GPD2: variants seen among roughly 807,000 people sequenced by gnomAD.
GPD2 encodes glycerol-3-phosphate dehydrogenase, mitochondrial.
GPD2 carries 54 observed loss-of-function variants against 82.4 expected under a neutral mutation model. The ratio of observed to expected loss-of-function variants is 0.66; its 90% confidence interval spans 0.53 to 0.82. GPD2 has a LOEUF of 0.82. GPD2 is among the 40% of genes least tolerant of loss of function. The probability of loss-of-function intolerance (pLI) is 0.00; values close to 1 mark genes in which losing one functional copy is unlikely to be tolerated. For synonymous variants in GPD2, 288 were observed against 306.1 expected (o/e 0.94, Z 0.62); for missense variants, 748 against 896.2 (o/e 0.83, Z 2.11).
chr2:156,474,328 T>C (rs1683431226), intron 1 of GPD2, among the ~76,000 whole-genome samples: 1 of 152,244 alleles, frequency 6.6e-6, no homozygotes, highest in African/African-American at 2.4e-5. Context: ...AGTATGATAA[T>C]AGATACAGTT....
intron 2 of GPD2, among the ~76,000 whole-genome samples, chr2:156,476,558 T>C (rs539473445): frequency 8.5e-5 from 13 of 152,346 alleles, no homozygotes; most frequent in Admixed American, 3.9e-4. Flanking sequence ...GCCAAAAGTT[T>C]GTCTTATTAG....
At chr2:156,409,888 A>C in the GPD2 span, among the ~76,000 whole-genome samples, 2 of 152,124 alleles carry the variant, frequency 1.3e-5, no homozygotes. Context: ...CAGGAGTTTG[A>C]CACCAGCCTG....
At chr2:156,423,867 G>A in the GPD2 span, among the ~76,000 whole-genome samples, 2 of 152,182 alleles carry the variant, frequency 1.3e-5, no homozygotes, top group African/African-American at 4.8e-5. Context: ...GCTAAGAGCA[G>A]TAGCCAGTAA....
intron 13 of GPD2, among the ~76,000 whole-genome samples, chr2:156,577,707 T>C (rs1278077464): frequency 6.6e-6 from 1 of 152,184 alleles, no homozygotes; most frequent in East Asian, 1.9e-4. Flanking sequence ...TTGTTCTAGG[T>C]TATACTCAAT....
At chr2:156,461,147 A>ATC (rs1195528213) in intron 1 of GPD2, among the ~76,000 whole-genome samples, 2 of 129,310 alleles carry the variant, frequency 1.5e-5, no homozygotes, top group African/African-American at 5.8e-5. Context: ...TTATCACATT[A>ATC]TCTCTCTCTA....
chr2:156,559,436 C>A (rs1169562725), intron 9 of GPD2, among the ~76,000 whole-genome samples: 1 of 152,068 alleles, frequency 6.6e-6, no homozygotes, highest in Non-Finnish European at 1.5e-5. Context: ...TATCAGAAAT[C>A]TTATAATGTT....
intron 2 of GPD2, chr2:156,495,736 G>A (rs1684346522): frequency 1.0e-5 from 4 of 394,088 alleles, no homozygotes; most frequent in Non-Finnish European, 2.0e-5. Context: ...CCTTAGATAA[G>A]GTATTTGGGA....
At chr2:156,492,301 G>A (rs915894720) in intron 2 of GPD2, among the ~76,000 whole-genome samples, 2 of 150,972 alleles carry the variant, frequency 1.3e-5, no homozygotes, top group Admixed American at 6.6e-5. Context: ...CTATAGGCGT[G>A]TGCCACCATG....
At chr2:156,531,714 G>A (rs1685866919) in intron 6 of GPD2, among the ~76,000 whole-genome samples, 1 of 152,164 alleles carries the variant, frequency 6.6e-6, no homozygotes, top group African/African-American at 2.4e-5. Context: ...TGGCCAGGAA[G>A]GACACTGCCC....
At chr2:156,497,813 A>G (rs1272689853) in intron 3 of GPD2, among the ~76,000 whole-genome samples, 2 of 152,218 alleles carry the variant, frequency 1.3e-5, no homozygotes, top group Non-Finnish European at 2.9e-5. Context: ...GTTGACCCCA[A>G]TTTTCATAAA....
intron 6 of GPD2, among the ~76,000 whole-genome samples, chr2:156,523,283 C>G (rs558335867): frequency 1.3e-5 from 2 of 152,264 alleles, no homozygotes; most frequent in East Asian, 1.9e-4. Context: ...AACCAATGAT[C>G]TTTTCACTGT....
intron 6 of GPD2, among the ~76,000 whole-genome samples, chr2:156,515,873 A>G (rs1685179534): frequency 1.3e-5 from 2 of 152,182 alleles, no homozygotes. Flanking sequence ...GCAACAGTGT[A>G]GTTTTGTGGT....
chr2:156,429,743 A>G, the GPD2 span, among the ~76,000 whole-genome samples: 1 of 152,200 alleles, frequency 6.6e-6, no homozygotes, highest in Non-Finnish European at 1.5e-5. Context: ...TTTCAGAATC[A>G]CTGACATGGA....
At chr2:156,510,218 C>CTCTT (rs367901007) in intron 3 of GPD2, among the ~76,000 whole-genome samples, 3,147 of 152,162 alleles carry the variant, frequency 0.021, 55 homozygotes, top group South Asian at 0.056. Flanking sequence ...AGAACTTATT[C>CTCTT]TCTTTCTTTC....
chr2:156,528,544 TGTCATCTAGCATTAG>T (rs1310128423), intron 6 of GPD2, among the ~76,000 whole-genome samples: 2 of 150,696 alleles, frequency 1.3e-5, no homozygotes, highest in East Asian at 3.9e-4. Context: ...CCCACTAACT[TGTCATCTAGCATTAG>T]GTATATCTCC....
intron 6 of GPD2, among the ~76,000 whole-genome samples, chr2:156,516,184 G>A (rs775713296): frequency 3.9e-5 from 6 of 152,030 alleles, no homozygotes; most frequent in Non-Finnish European, 8.8e-5. Flanking sequence ...TCTTAACAAG[G>A]AAAATACATA....
chr2:156,451,675 G>A (rs1682593621), intron 1 of GPD2, among the ~76,000 whole-genome samples: 2 of 143,420 alleles, frequency 1.4e-5, no homozygotes, highest in South Asian at 4.5e-4. Flanking sequence ...CCCGGACGGG[G>A]CAGCTGGCAG....
chr2:156,412,437 T>TAA, the GPD2 span, among the ~76,000 whole-genome samples: 33,710 of 143,060 alleles, frequency 0.24, 4,293 homozygotes, highest in Non-Finnish European at 0.29. Flanking sequence ...ACTTCGTCTG[T>TAA]AAAAAAAAAA....
At chr2:156,568,537 G>C (rs1200869751) in intron 9 of GPD2, among the ~76,000 whole-genome samples, 1 of 152,000 alleles carries the variant, frequency 6.6e-6, no homozygotes, top group East Asian at 1.9e-4. Context: ...GGTTGCTTCA[G>C]CTGGAAGGTT....
Sources: allele counts gnomAD v4.1 joint callset (sites outside exome capture counted in the v4.1 genomes callset), GRCh38; gene constraint gnomAD v4.1.1; transcripts MANE v1.5; gene names NCBI Gene and HGNC (gene_info 2026-07-23, HGNC 2026-07-21).